The following COP1 variants were observed in gnomAD, a reference collection of about 807,000 sequenced individuals.
COP1 encodes E3 ubiquitin-protein ligase COP1.
A neutral mutation model predicts 101.3 loss-of-function variants in COP1; 24 were observed. The observed-to-expected ratio is 0.24, with a 90% confidence interval of 0.17 to 0.33. The LOEUF (loss-of-function observed/expected upper bound fraction) is 0.33, where lower values mean the gene tolerates loss of function less well. COP1 is among the 10% of genes least tolerant of loss of function. The pLI is 1.00. For missense variants in COP1, 663 were observed against 906.2 expected (o/e 0.73, Z 3.45); for synonymous variants, 347 against 341.9 (o/e 1.01, Z -0.17).
chr1:175,975,600 G>C (rs1487221734), intron 18 of COP1, among the ~76,000 whole-genome samples: 1 of 152,094 alleles, frequency 6.6e-6, no homozygotes, highest in African/African-American at 2.4e-5. Context: ...AGTAGAGACA[G>C]GGTGTTGCAT....
At position 176,165,825 on chromosome 1, in the gene COP1, G is replaced by T. The variant is rs141692691; in HGVS notation, c.566-1934C>A. Reference sequence around the variant, plus strand: ...GCAGATCAGAGCCAGATTGTGAAGGGCCTGAACTGCAGATACCTTACACAA... The same window carrying T: ...GCAGATCAGAGCCAGATTGTGAAGGTCCTGAACTGCAGATACCTTACACAA... On this transcript the variant is annotated intron_variant, in intron 3 of 19. Coordinates refer to ENST00000367669, the MANE Select transcript of COP1 (RefSeq NM_022457.7). 2.6e-3 allele frequency among the ~76,000 whole-genome samples: 400 copies of T among 152,292 alleles called. 3 individuals carry two copies. Among genetic ancestry groups the T allele is most frequent in the African/African-American group, 9.2e-3 (381 of 41,566 alleles).
rs140316286 is a variant in COP1, at chr1:176,091,387, C to T, written c.1027-5497G>A. On this transcript the variant is annotated intron_variant, in intron 9 of 19. Transcript: ENST00000367669. ...AAAAAAAAACTTCTGAAGTTGTGTA[C>T]TTGAATAATACAATGACACCAACTG... Among the ~76,000 whole-genome samples the T allele has an allele frequency of 1.9e-3, 284 of 150,350 alleles. 1 individual carries two copies. The highest frequency in any genetic ancestry group is 6.7e-3 in the African/African-American group (274 of 41,130).
At chr1:176,180,024 G>C (rs866538417) in intron 2 of COP1, among the ~76,000 whole-genome samples, 2 of 152,032 alleles carry the variant, frequency 1.3e-5, no homozygotes, top group Non-Finnish European at 1.5e-5. Flanking sequence ...AGGATGCATC[G>C]AGCGTATCTT....
At chr1:175,982,379 T>G (rs780812991) in intron 18 of COP1, 1 of 456,538 alleles carries the variant, frequency 2.2e-6, no homozygotes, top group South Asian at 1.5e-5. Flanking sequence ...TATATGCAAA[T>G]TTTCTTCCTC....
intron 14 of COP1, among the ~76,000 whole-genome samples, chr1:176,033,330 G>A (rs1389920317): frequency 6.6e-6 from 1 of 152,134 alleles, no homozygotes; most frequent in Non-Finnish European, 1.5e-5. Flanking sequence ...GGGAGGCTGA[G>A]GCAGGAGAAC....
chr1:175,989,896 A>T (rs1266843673), intron 15 of COP1, among the ~76,000 whole-genome samples: 2 of 152,156 alleles, frequency 1.3e-5, no homozygotes, highest in African/African-American at 4.8e-5. Context: ...CAGCAGTTCA[A>T]CTATTACCAT....
At chr1:176,029,362 G>C (rs184632255) in intron 14 of COP1, among the ~76,000 whole-genome samples, 1 of 152,174 alleles carries the variant, frequency 6.6e-6, no homozygotes, top group East Asian at 1.9e-4. Flanking sequence ...AAGCAAAATA[G>C]GTCTGATTTG....
At chr1:176,104,884 C>A (rs970523731) in intron 9 of COP1, among the ~76,000 whole-genome samples, 1 of 152,086 alleles carries the variant, frequency 6.6e-6, no homozygotes, top group Non-Finnish European at 1.5e-5. Context: ...ATGGAAACTG[C>A]GTACTTGTCA....
At chr1:175,977,827 AAAT>A (rs1392751544) in intron 18 of COP1, among the ~76,000 whole-genome samples, 2 of 152,112 alleles carry the variant, frequency 1.3e-5, no homozygotes, top group African/African-American at 2.4e-5. Context: ...TCAATTTAGA[AAAT>A]AATAATGTTT....
At chr1:175,968,371 C>T (rs1432785060) in intron 18 of COP1, 1 of 481,982 alleles carries the variant, frequency 2.1e-6, no homozygotes, top group Admixed American at 2.2e-5. Context: ...GCAAGGAAAC[C>T]AAGTATTTAG....
chr1:176,058,861 T>A (rs1007845615), intron 11 of COP1, among the ~76,000 whole-genome samples: 2 of 151,308 alleles, frequency 1.3e-5, no homozygotes, highest in African/African-American at 4.9e-5. Flanking sequence ...AGATCCCATA[T>A]GTGAGTTACT....
chr1:176,066,234 G>A (rs1675941093), intron 11 of COP1, among the ~76,000 whole-genome samples: 1 of 151,888 alleles, frequency 6.6e-6, no homozygotes. Context: ...CCATTTCTTT[G>A]GGGTTCTCCC....
At chr1:176,036,507 C>CAA (rs77138527) in intron 14 of COP1, among the ~76,000 whole-genome samples, 16 of 127,342 alleles carry the variant, frequency 1.3e-4, no homozygotes, top group African/African-American at 4.6e-4. Context: ...AACAAAAAAA[C>CAA]AAAAAAAAAA....
intron 11 of COP1, among the ~76,000 whole-genome samples, chr1:176,053,535 G>A (rs1311677303): frequency 6.6e-6 from 1 of 151,938 alleles, no homozygotes; most frequent in African/African-American, 2.4e-5. Flanking sequence ...CAGTTTTCTT[G>A]ACTTCCTCTT....
intron 18 of COP1, among the ~76,000 whole-genome samples, chr1:175,982,878 G>C (rs977818933): frequency 2.6e-5 from 4 of 152,194 alleles, no homozygotes; most frequent in South Asian, 2.1e-4. Flanking sequence ...TGGGGGATGG[G>C]AGTGGGAGGA....
intron 18 of COP1, among the ~76,000 whole-genome samples, chr1:175,955,082 T>G (rs1481379739): frequency 6.6e-6 from 1 of 151,672 alleles, no homozygotes; most frequent in African/African-American, 2.4e-5. Flanking sequence ...ACCCTCTCTA[T>G]CAAAAACACA....
chr1:175,986,838 G>C, intron 18 of COP1, 105 bp downstream of exon 18: 2 of 903,738 alleles, frequency 2.2e-6, no homozygotes, highest in Non-Finnish European at 3.3e-6. Flanking sequence ...TTTTTAAAAA[G>C]TACATACCAC....
intron 15 of COP1, among the ~76,000 whole-genome samples, chr1:176,019,221 T>G (rs1666235952): frequency 1.3e-5 from 2 of 149,370 alleles, no homozygotes; most frequent in South Asian, 2.1e-4. Context: ...TCCCAGCACT[T>G]TGGGAGGCCG....
intron 15 of COP1, among the ~76,000 whole-genome samples, chr1:176,006,493 T>C (rs1056439079): frequency 2.1e-4 from 32 of 152,350 alleles, no homozygotes; most frequent in African/African-American, 6.7e-4. Context: ...GTATGGGTTG[T>C]TCCTTTTCAT....
Sources: gnomAD v4.1 joint callset for allele counts (sites outside exome capture counted in the v4.1 genomes callset) on GRCh38, gnomAD v4.1.1 for gene constraint, MANE v1.5 for transcripts, NCBI Gene and HGNC (gene_info 2026-07-23, HGNC 2026-07-21) for gene names.